Variants in CNTNAP2 observed in about 807,000 individuals in gnomAD.
CNTNAP2 encodes contactin-associated protein-like 2.
A neutral mutation model predicts 155.2 loss-of-function variants in CNTNAP2; 98 were observed. The observed-to-expected ratio is 0.63, with a 90% confidence interval of 0.54 to 0.75. The LOEUF (loss-of-function observed/expected upper bound fraction) is 0.75, where lower values mean the gene tolerates loss of function less well. Among genes scored for constraint, CNTNAP2 ranks in the 30% least tolerant of loss-of-function variants. The probability of loss-of-function intolerance (pLI) is 0.00; values close to 1 mark genes in which losing one functional copy is unlikely to be tolerated. For missense variants in CNTNAP2, 1,727 were observed against 1,688.1 expected, an observed-to-expected ratio of 1.02 and a Z score of -0.40; for synonymous variants, 651 against 631.2, an observed-to-expected ratio of 1.03 and a Z score of -0.47.
rs572995107 is a variant in CNTNAP2 at position 148,192,621 on chromosome 7, C to T, written c.3010+20143C>T. Among the ~76,000 whole-genome samples the T allele has an allele frequency of 3.7e-3, 555 of 151,850 alleles. 4 individuals are homozygous for T. Among genetic ancestry groups the T allele is most frequent in the African/African-American group, 0.012 (515 of 41,434 alleles). ...AGCCTGGGCTACAAGAGCAAAACTCCGTCTCAAAAAATAAAAAACCTCCAA... is the reference window on the plus strand; with the variant it reads ...AGCCTGGGCTACAAGAGCAAAACTCTGTCTCAAAAAATAAAAAACCTCCAA... On this transcript the variant is annotated intron_variant, in intron 18 of 23. Transcript: ENST00000361727.
chr7:146,990,883 G>A (rs1275109428), intron 3 of CNTNAP2, among the ~76,000 whole-genome samples: 1 of 152,016 alleles, frequency 6.6e-6, no homozygotes, highest in African/African-American at 2.4e-5. Flanking sequence ...AGGAGAAAAC[G>A]GCCAAGGAAA....
chr7:148,166,777 A>T (rs764608313), intron 17 of CNTNAP2, among the ~76,000 whole-genome samples: 4 of 152,192 alleles, frequency 2.6e-5, no homozygotes, highest in African/African-American at 4.8e-5. Flanking sequence ...CAATGTGTTG[A>T]TTTTCTAATT....
chr7:147,582,516 C>T (rs780912230), intron 12 of CNTNAP2, among the ~76,000 whole-genome samples: 2 of 151,932 alleles, frequency 1.3e-5, no homozygotes, highest in Non-Finnish European at 2.9e-5. Flanking sequence ...TTAAAAAGTA[C>T]AAAACAAGTG....
intron 3 of CNTNAP2, among the ~76,000 whole-genome samples, chr7:146,884,367 G>T (rs1309640896): frequency 2.0e-5 from 3 of 152,134 alleles, no homozygotes; most frequent in Non-Finnish European, 4.4e-5. Context: ...GCTAAAATTG[G>T]AGGAAGAATA....
intron 1 of CNTNAP2, among the ~76,000 whole-genome samples, chr7:146,394,506 T>C (rs1031713937): frequency 6.6e-6 from 1 of 152,032 alleles, no homozygotes; most frequent in Non-Finnish European, 1.5e-5. Flanking sequence ...ATGTTTTATT[T>C]CTCATTACTG....
At chr7:146,597,534 G>A (rs1026214580) in intron 1 of CNTNAP2, among the ~76,000 whole-genome samples, 5 of 151,922 alleles carry the variant, frequency 3.3e-5, no homozygotes, top group Non-Finnish European at 5.9e-5. Context: ...TGTAATATTT[G>A]CCCTTTCTTG....
At chr7:146,927,672 T>C (rs905191722) in intron 3 of CNTNAP2, among the ~76,000 whole-genome samples, 97 of 152,004 alleles carry the variant, frequency 6.4e-4, no homozygotes, top group Non-Finnish European at 1.3e-3. Context: ...TAAGAAGAAA[T>C]TGTTTTAAAA....
intron 1 of CNTNAP2, among the ~76,000 whole-genome samples, chr7:146,678,890 A>T (rs1354147556): frequency 1.3e-5 from 2 of 152,190 alleles, no homozygotes; most frequent in Non-Finnish European, 2.9e-5. Flanking sequence ...TTGTTTTCAG[A>T]TCATAAATTG....
rs2116739463 is a variant in CNTNAP2, at chr7:148,419,871, T to C, written c.*4255T>C. 6.6e-6 allele frequency: 1 copy of C among 152,370 alleles called. No homozygotes were observed. The highest frequency in any genetic ancestry group is 2.1e-4 in the South Asian group (1 of 4,832). The allele number at this position is 152,370 out of a possible 1,614,324, so 9.4% of individuals were successfully genotyped here. ...GACCTTGGTCAAGTCCTCGAACTTT[T>C]GTCCCGTATTTAAGATGGAGCTGTT... is the stretch of plus-strand genomic sequence containing the variant. On this transcript the variant is annotated 3_prime_UTR_variant, in exon 24 of 24. Transcript: ENST00000361727.
At chr7:148,373,891 G>A (rs1353550983) in intron 21 of CNTNAP2, among the ~76,000 whole-genome samples, 1 of 152,212 alleles carries the variant, frequency 6.6e-6, no homozygotes, top group African/African-American at 2.4e-5. Context: ...GGTTGCGATC[G>A]TATGGTTTAA....
chr7:147,021,422 T>C (rs1273810175), intron 3 of CNTNAP2, among the ~76,000 whole-genome samples: 1 of 152,204 alleles, frequency 6.6e-6, no homozygotes, highest in Non-Finnish European at 1.5e-5. Context: ...GCTTTTGTTT[T>C]GTTTTTTAGC....
intron 9 of CNTNAP2, among the ~76,000 whole-genome samples, chr7:147,370,249 T>A (rs1796319299): frequency 6.6e-6 from 1 of 152,230 alleles, no homozygotes; most frequent in South Asian, 2.1e-4. Flanking sequence ...CAATGACGTG[T>A]CCATGACAAC....
chr7:147,156,582 G>C (rs946272372), intron 8 of CNTNAP2, among the ~76,000 whole-genome samples: 3 of 152,128 alleles, frequency 2.0e-5, no homozygotes, highest in Admixed American at 6.5e-5. Flanking sequence ...CATTCAATGT[G>C]CTGTCATTGA....
rs551158037 is a variant in CNTNAP2, at chr7:147,625,882, C to A, written c.1898-13224C>A. 1.0e-3 allele frequency among the ~76,000 whole-genome samples: 159 copies of A among 152,078 alleles called. 1 individual carries two copies. Among genetic ancestry groups the A allele is most frequent in the Non-Finnish European group, 1.8e-3 (120 of 68,018 alleles). ...CCAAACATACATTTCTACTGGGGGA[C>A]CTGAAAATCCAGATCATGAGATTAT... On this transcript the variant is annotated intron_variant, in intron 12 of 23. Transcript: ENST00000361727.
intron 1 of CNTNAP2, among the ~76,000 whole-genome samples, chr7:146,132,237 T>A (rs1281546807): frequency 6.6e-6 from 1 of 152,128 alleles, no homozygotes; most frequent in East Asian, 1.9e-4. Context: ...TCTGTTGGCC[T>A]TGAATAATAG....
At chr7:146,427,165 T>A (rs1796106043) in intron 1 of CNTNAP2, among the ~76,000 whole-genome samples, 1 of 152,202 alleles carries the variant, frequency 6.6e-6, no homozygotes, top group Non-Finnish European at 1.5e-5. Context: ...TATATGCATC[T>A]TTAAATAGAT....
At chr7:146,467,240 T>C (rs2129125891) in intron 1 of CNTNAP2, among the ~76,000 whole-genome samples, 1 of 152,266 alleles carries the variant, frequency 6.6e-6, no homozygotes, top group East Asian at 1.9e-4. Flanking sequence ...TTCTATTCCT[T>C]AAAATGTAGA....
intron 3 of CNTNAP2, among the ~76,000 whole-genome samples, chr7:146,974,983 C>T (rs1279217780): frequency 6.6e-6 from 1 of 152,032 alleles, no homozygotes; most frequent in Non-Finnish European, 1.5e-5. Flanking sequence ...AAAAACAAAA[C>T]AAAGCAAAAC....
chr7:146,952,214 G>A (rs1215606228), intron 3 of CNTNAP2, among the ~76,000 whole-genome samples: 6 of 152,120 alleles, frequency 3.9e-5, no homozygotes, highest in Admixed American at 6.6e-5. Context: ...AAAGGCCTTC[G>A]ATAAAATTTA....
Sources: allele counts gnomAD v4.1 joint callset (sites outside exome capture counted in the v4.1 genomes callset), GRCh38; gene constraint gnomAD v4.1.1; transcripts MANE v1.5; gene names NCBI Gene and HGNC (gene_info 2026-07-23, HGNC 2026-07-21).